TULP4: variants seen among roughly 807,000 people sequenced by gnomAD.
The protein encoded by TULP4 is tubby-related protein 4.
In TULP4, 16 loss-of-function variants were observed where a neutral mutation model predicts 129.0. The observed-to-expected ratio is 0.12, with a 90% CI of 0.08 to 0.19. The LOEUF (loss-of-function observed/expected upper bound fraction) is 0.19. Among genes scored for constraint, TULP4 ranks in the 10% least tolerant of loss-of-function variants. TULP4 has a pLI of 1.00. For synonymous variants in TULP4, 998 were observed against 854.0 expected (o/e 1.17, Z -2.94); for missense variants, 1,842 against 2,059.1 (o/e 0.89, Z 2.04).
At chr6:158,244,731 C>G (rs1777994569) in intron 1 of TULP4, among the ~76,000 whole-genome samples, 1 of 152,090 alleles carries the variant, frequency 6.6e-6, no homozygotes, top group African/African-American at 2.4e-5. Context: ...GTGGCTCATG[C>G]CTGTAGTCCT....
rs1780265088 is a variant in TULP4 at position 158,493,661 on chromosome 6, T to G, written c.1720T>G (p.Ser574Ala). 6.3e-6 allele frequency: 10 copies of G among 1,598,062 alleles called. No individual in the cohort carries two copies. The highest frequency in any genetic ancestry group is 7.7e-6 in the Non-Finnish European group (9 of 1,172,564). Residue 574 changes from serine to alanine, a missense_variant, in exon 10 of 14, where the codon TCT (serine) becomes GCT (alanine). Physicochemically the swap from Ser to Ala is moderately conservative, Grantham distance 99. Transcript: ENST00000367097. This position sits in a 1 kb window ranked among gnomAD's most constrained non-coding sequence, Gnocchi z 4.4. ...RSPRLPLRKP[S>A]VGSPSLTRRE... ...CCCACGGTTGCCCCTGCGCAAGCCC[T>G]CTGTGGGCTCGCCCAGCCTGACTCG...
At position 158,502,635 on chromosome 6, in the gene TULP4, A is replaced by G. The variant is rs1223239876; in HGVS notation, c.2972A>G (p.Asn991Ser). ...ATCCACGCTACCCTGCGGAGGAACAACCGTGAGGCTACGCTCAAGATGGCC... is the reference window on the plus strand; with the variant it reads ...ATCCACGCTACCCTGCGGAGGAACAGCCGTGAGGCTACGCTCAAGATGGCC... ...SLIHATLRRN[N>S]REATLKMAQL... is the part of the protein sequence containing the mutation. The change falls in exon 13 of 14, where the codon AAC (asparagine) becomes AGC (serine). Residue 991 changes from asparagine (N) to serine (S), a missense_variant. Physicochemically the swap from Asn to Ser is conservative, Grantham distance 46. Around this residue, in one of 5 missense-constraint regions of TULP4, gnomAD observed 1,089 missense variants for 987.1 expected, o/e 1.10. Coordinates refer to ENST00000367097, the MANE Select transcript of TULP4 (RefSeq NM_020245.5). The G allele has an allele frequency of 6.3e-7, 1 of 1,589,782 alleles. No individual in the cohort carries two copies. The highest frequency in any genetic ancestry group is 1.7e-5 in the Admixed American group (1 of 59,462).
intron 4 of TULP4, among the ~76,000 whole-genome samples, chr6:158,450,353 C>T (rs886879012): frequency 6.6e-6 from 1 of 151,510 alleles, no homozygotes; most frequent in Non-Finnish European, 1.5e-5. Context: ...TGTCTGCCTC[C>T]GTTAGAACCT....
chr6:158,288,250 G>T (rs1236746837), intron 1 of TULP4, among the ~76,000 whole-genome samples: 2 of 152,042 alleles, frequency 1.3e-5, no homozygotes, highest in African/African-American at 4.8e-5. Flanking sequence ...TAGGTGGTTT[G>T]TTTTCTTTCT....
chr6:158,440,000 C>T (rs1173882025), intron 3 of TULP4, among the ~76,000 whole-genome samples: 5 of 151,660 alleles, frequency 3.3e-5, no homozygotes, highest in South Asian at 2.1e-4. Flanking sequence ...CGTGAGCCAC[C>T]GTGTCCGGCC....
intron 1 of TULP4, among the ~76,000 whole-genome samples, chr6:158,386,588 A>G (rs567394760): frequency 6.6e-6 from 1 of 152,344 alleles, no homozygotes; most frequent in East Asian, 1.9e-4. Flanking sequence ...TGTTATATGT[A>G]AGAAAGACTC....
intron 2 of TULP4, among the ~76,000 whole-genome samples, chr6:158,418,097 GTGTTT>G (rs1778253501): frequency 1.4e-5 from 2 of 143,252 alleles, no homozygotes; most frequent in African/African-American, 5.0e-5. Context: ...TTGTGTGTGT[GTGTTT>G]TTTTTTTTTT....
intron 1 of TULP4, among the ~76,000 whole-genome samples, chr6:158,274,585 G>A (rs1254050887): frequency 2.0e-5 from 3 of 152,076 alleles, no homozygotes; most frequent in Admixed American, 1.3e-4. Context: ...GACCATCCTG[G>A]CTAACACGTT....
intron 1 of TULP4, among the ~76,000 whole-genome samples, chr6:158,325,789 T>C (rs1264766568): frequency 2.0e-5 from 3 of 152,204 alleles, no homozygotes. Context: ...TATCTATTTT[T>C]ATACCAAAGC....
At chr6:158,500,186 G>C (rs1780413176) in intron 12 of TULP4, among the ~76,000 whole-genome samples, 1 of 152,226 alleles carries the variant, frequency 6.6e-6, no homozygotes, top group Admixed American at 6.5e-5. Flanking sequence ...TGAGAGGAGG[G>C]AACATATTGT....
upstream of TULP4, among the ~76,000 whole-genome samples, chr6:158,281,772 G>T (rs1397122447): frequency 6.6e-6 from 1 of 152,170 alleles, no homozygotes; most frequent in Non-Finnish European, 1.5e-5. Context: ...ATTCATGTTT[G>T]CTATAGGAAA....
chr6:158,460,713 G>A (rs541003102), intron 5 of TULP4, among the ~76,000 whole-genome samples: 1 of 152,310 alleles, frequency 6.6e-6, no homozygotes, highest in Non-Finnish European at 1.5e-5. Flanking sequence ...TCATATGCAT[G>A]TGTGTCCTTT....
intron 3 of TULP4, among the ~76,000 whole-genome samples, chr6:158,444,163 T>A (rs1159205905): frequency 8.3e-6 from 1 of 120,188 alleles, no homozygotes; most frequent in Non-Finnish European, 1.6e-5. Context: ...GAGGTTGCAG[T>A]GAGCCAAGAT....
At chr6:158,371,829 G>T (rs1251107073) in intron 1 of TULP4, among the ~76,000 whole-genome samples, 1 of 152,132 alleles carries the variant, frequency 6.6e-6, no homozygotes, top group Non-Finnish European at 1.5e-5. Context: ...ATGTTTGTAT[G>T]TTTGAGACAA....
chr6:158,270,557 G>A lies in TULP4; in HGVS notation n.68+38254G>A, dbSNP rs117044651. On this transcript the variant is annotated intron_variant and non_coding_transcript_variant, in intron 1 of 1. Coordinates refer to the TULP4 transcript ENST00000620026. ...ACTAAGTGTCTCTGGTACCGGGGCC[G>A]GTGATGGGCACTCAGTTAGCGTCTC... Among the ~76,000 whole-genome samples, 1,084 of 152,274 alleles carry A rather than the reference G, an allele frequency of 7.1e-3. 10 individuals carry two copies. The highest frequency in any genetic ancestry group is 0.024 in the Middle Eastern group (7 of 294).
chr6:158,312,106 A>G (rs1779368692), upstream of TULP4: 4 of 397,342 alleles, frequency 1.0e-5, no homozygotes, highest in South Asian at 2.6e-4. Context: ...TCCTGAAATG[A>G]CTGGGGAAGC....
intron 2 of TULP4, among the ~76,000 whole-genome samples, chr6:158,423,489 T>C (rs1778401421): frequency 6.6e-6 from 1 of 152,190 alleles, no homozygotes; most frequent in African/African-American, 2.4e-5. Flanking sequence ...TGATATGGCA[T>C]TAACTCTGAT....
chr6:158,453,648 G>T (rs909271221), intron 5 of TULP4, among the ~76,000 whole-genome samples: 1 of 151,802 alleles, frequency 6.6e-6, no homozygotes, highest in East Asian at 1.9e-4. Context: ...AATTAGCTGG[G>T]CGTGGTAGCA....
rs5881258 is a variant in TULP4 at position 158,395,668 on chromosome 6, C to CGGGGGGCGG, written c.253-17391_253-17390insCGGGGGGGG. ...GCTGGCCCTGAGGTAAAGTGATGGG[C>CGGGGGGCGG]GGGGGGGGGGTCATGGCAGAAGCAC... is the stretch of plus-strand genomic sequence containing the variant. On this transcript the variant is annotated intron_variant, in intron 1 of 13. Transcript: ENST00000367097. 4.2e-3 allele frequency among the ~76,000 whole-genome samples: 347 copies of CGGGGGGCGG among 83,048 alleles called. 15 individuals carry two copies. The highest frequency in any genetic ancestry group is 0.021 in the Middle Eastern group (3 of 142). The allele number at this position is 83,048 out of a possible 152,430, so 54.5% of individuals were successfully genotyped here.
Sources: allele counts gnomAD v4.1 joint callset (sites outside exome capture counted in the v4.1 genomes callset), GRCh38; gene constraint gnomAD v4.1.1; regional missense constraint gnomAD v4.1.1; non-coding constraint Gnocchi (gnomAD v3.1); transcripts MANE v1.5; gene names NCBI Gene and HGNC (gene_info 2026-07-23, HGNC 2026-07-21).